Variants in ABTB3 observed in about 807,000 individuals in gnomAD.
ABTB3 encodes ankyrin repeat and BTB domain containing 3.
the ABTB3 span, among the ~76,000 whole-genome samples, chr12:107,485,381 C>CT: frequency 1.3e-5 from 2 of 152,306 alleles, no homozygotes; most frequent in African/African-American, 4.8e-5. Context: ...CTGCTGTGTC[C>CT]TAGGCAGTTT....
the ABTB3 span, among the ~76,000 whole-genome samples, chr12:107,470,701 C>T: frequency 6.6e-6 from 1 of 152,192 alleles, no homozygotes; most frequent in Non-Finnish European, 1.5e-5. Flanking sequence ...ATTAACCGAC[C>T]CTGGCCTGGT....
At chr12:107,369,354 G>T in the ABTB3 span, among the ~76,000 whole-genome samples, 1 of 151,126 alleles carries the variant, frequency 6.6e-6, no homozygotes, top group Admixed American at 6.6e-5. Flanking sequence ...CCATCAAGAT[G>T]AGATGCAACC....
chr12:107,611,219 T>A, the ABTB3 span, among the ~76,000 whole-genome samples: 3 of 151,616 alleles, frequency 2.0e-5, no homozygotes, highest in African/African-American at 7.3e-5. Flanking sequence ...TTGAATATTC[T>A]TTTTTTTTAA....
chr12:107,612,907 A>G, the ABTB3 span: 1,080 of 1,589,464 alleles, frequency 6.8e-4, 1 homozygote, highest in African/African-American at 0.014. Context: ...CTCGGCCGGC[A>G]GTCCCCAGGG....
the ABTB3 span, among the ~76,000 whole-genome samples, chr12:107,629,535 G>T: frequency 6.6e-6 from 1 of 152,144 alleles, no homozygotes; most frequent in African/African-American, 2.4e-5. Flanking sequence ...TTCTGTGAGG[G>T]ACTTGAATGG....
the ABTB3 span, among the ~76,000 whole-genome samples, chr12:107,604,270 A>G: frequency 1.3e-5 from 2 of 151,424 alleles, no homozygotes; most frequent in Admixed American, 6.6e-5. Flanking sequence ...AACATAGAGA[A>G]ACTCTGTCCC....
the ABTB3 span, among the ~76,000 whole-genome samples, chr12:107,586,163 T>G: frequency 6.6e-6 from 1 of 151,974 alleles, no homozygotes; most frequent in Non-Finnish European, 1.5e-5. Flanking sequence ...AGGGACAGGG[T>G]CATGCTCCTG....
the ABTB3 span, among the ~76,000 whole-genome samples, chr12:107,647,360 C>A: frequency 2.0e-5 from 3 of 151,856 alleles, no homozygotes; most frequent in African/African-American, 7.3e-5. Context: ...AAAACATTAG[C>A]CAGGCACGGT....
At chr12:107,493,211 A>C in the ABTB3 span, among the ~76,000 whole-genome samples, 11 of 152,168 alleles carry the variant, frequency 7.2e-5, no homozygotes, top group Non-Finnish European at 1.2e-4. Flanking sequence ...GCAGGGAAGC[A>C]TGGGCAAGAA....
the ABTB3 span, among the ~76,000 whole-genome samples, chr12:107,399,486 A>G: frequency 6.6e-6 from 1 of 152,090 alleles, no homozygotes; most frequent in South Asian, 2.1e-4. Flanking sequence ...AACACTTGGT[A>G]ACAGGGGGAC....
the ABTB3 span, chr12:107,640,368 G>A: frequency 6.2e-7 from 1 of 1,600,992 alleles, no homozygotes; most frequent in South Asian, 1.1e-5. Flanking sequence ...GTAGAAGGAA[G>A]ACCATTTTAT....
the ABTB3 span, among the ~76,000 whole-genome samples, chr12:107,655,085 C>T: frequency 2.0e-5 from 3 of 152,024 alleles, no homozygotes; most frequent in Non-Finnish European, 4.4e-5. Context: ...TGTGGCCTAC[C>T]ACCTTGGCAG....
At chr12:107,511,976 C>G in the ABTB3 span, among the ~76,000 whole-genome samples, 2 of 152,086 alleles carry the variant, frequency 1.3e-5, no homozygotes, top group African/African-American at 4.8e-5. Flanking sequence ...TTAAGGATGT[C>G]CATTAAGTCC....
chr12:107,647,078 C>A, the ABTB3 span, among the ~76,000 whole-genome samples: 1 of 152,074 alleles, frequency 6.6e-6, no homozygotes, highest in Non-Finnish European at 1.5e-5. Context: ...CTTGTAATCC[C>A]AGTGCTTTGG....
the ABTB3 span, chr12:107,520,757 C>G: frequency 7.9e-7 from 1 of 1,270,290 alleles, no homozygotes; most frequent in Non-Finnish European, 1.1e-6. Context: ...CGGGGTGACA[C>G]CTTTTATTGA....
chr12:107,520,024 C>A, the ABTB3 span, among the ~76,000 whole-genome samples: 1 of 152,078 alleles, frequency 6.6e-6, no homozygotes, highest in East Asian at 1.9e-4. Flanking sequence ...AACAGCCCGA[C>A]CATCCAGAGC....
chr12:107,542,616 G>A, the ABTB3 span, among the ~76,000 whole-genome samples: 2 of 152,122 alleles, frequency 1.3e-5, no homozygotes, highest in African/African-American at 2.4e-5. Context: ...TAGGGGCACT[G>A]AACCCCTATG....
At chr12:107,580,836 G>A in the ABTB3 span, 2 of 1,537,434 alleles carry the variant, frequency 1.3e-6, no homozygotes. Flanking sequence ...TCACATGATC[G>A]CCGAGAGGGA....
the ABTB3 span, among the ~76,000 whole-genome samples, chr12:107,416,598 C>A: frequency 1.3e-5 from 2 of 152,176 alleles, no homozygotes; most frequent in East Asian, 3.9e-4. Flanking sequence ...AACTAGAAAG[C>A]AGTTGGTTGT....
Sources: allele counts gnomAD v4.1 joint callset (sites outside exome capture counted in the v4.1 genomes callset), GRCh38; gene constraint gnomAD v4.1.1; transcripts MANE v1.5; gene names NCBI Gene and HGNC (gene_info 2026-07-23, HGNC 2026-07-21).